NOSTRIN: variants seen among roughly 807,000 people sequenced by gnomAD.
NOSTRIN encodes the protein nitric oxide synthase trafficking, also known as BM247 homolog.
Under a neutral mutation model 59.0 loss-of-function variants are expected in NOSTRIN, and 63 were observed. The observed-to-expected ratio is 1.07, with a 90% CI of 0.87 to 1.32. NOSTRIN has a LOEUF of 1.32. Among genes scored for constraint, NOSTRIN ranks in the 40% most tolerant of loss-of-function variants. The pLI, the probability that NOSTRIN is intolerant of heterozygous loss-of-function variation, is 0.00. For missense variants in NOSTRIN, 512 were observed against 473.1 expected (o/e 1.08, Z -0.76); for synonymous variants, 200 against 165.4 (o/e 1.21, Z -1.61).
intron 7 of NOSTRIN, among the ~76,000 whole-genome samples, 180 bp downstream of exon 7, chr2:168,834,505 G>GCACACACACACACACACA (rs1271378211): frequency 9.7e-6 from 1 of 103,080 alleles, no homozygotes; most frequent in Non-Finnish European, 2.3e-5. Context: ...GCGCGCGCGC[G>GCACACACACACACACACA]CGCACACACA....
At position 168,850,917 on chromosome 2, in the gene NOSTRIN, A is replaced by G. The variant is rs1420181373; in HGVS notation, c.631-167A>G. On this transcript the variant is annotated intron_variant, in intron 8 of 15. Transcript: ENST00000317647. ...TGTGAGTGATTTAAGATACCAAGAC[A>G]CATTCCTTCCTGGAAATCTCCCTCC... 4 of 799,452 alleles carry G rather than the reference A, an allele frequency of 5.0e-6. No homozygotes were observed. The South Asian group carries it at 5.7e-5, about 11-fold the overall frequency. The allele number at this position is 799,452 out of a possible 1,614,324, so 49.5% of individuals were successfully genotyped here.
chr2:168,862,648 A>T (rs891064531), intron 15 of NOSTRIN, among the ~76,000 whole-genome samples: 1 of 152,174 alleles, frequency 6.6e-6, no homozygotes, highest in Non-Finnish European at 1.5e-5. Flanking sequence ...AAAGAGTGAG[A>T]TCCCCTTCTT....
intron 12 of NOSTRIN, 104 bp from the exon 13 acceptor site, chr2:168,859,408 T>A: frequency 2.6e-6 from 4 of 1,512,224 alleles, no homozygotes; most frequent in Non-Finnish European, 3.6e-6. Flanking sequence ...GTTAAATGCG[T>A]ACTTTTCTAA....
At chr2:168,798,909 A>G (rs1050013390), upstream of NOSTRIN, among the ~76,000 whole-genome samples, 5 of 152,090 alleles carry the variant, frequency 3.3e-5, no homozygotes, top group Admixed American at 6.5e-5. Context: ...GGTATGCAAA[A>G]TTTATCAGGC....
intron 1 of NOSTRIN, among the ~76,000 whole-genome samples, chr2:168,809,969 T>A (rs1686049624): frequency 6.6e-6 from 1 of 152,028 alleles, no homozygotes; most frequent in Non-Finnish European, 1.5e-5. Flanking sequence ...TTTGCTACCA[T>A]TAAAAAAAAA....
chr2:168,852,371 C>T (rs984910431), intron 10 of NOSTRIN, among the ~76,000 whole-genome samples: 1 of 152,150 alleles, frequency 6.6e-6, no homozygotes, highest in Admixed American at 6.5e-5. Context: ...AGAGCCCAAG[C>T]ACGTTGCCCC....
At chr2:168,801,505 G>A (rs892309783), upstream of NOSTRIN, among the ~76,000 whole-genome samples, 3 of 152,136 alleles carry the variant, frequency 2.0e-5, no homozygotes, top group East Asian at 1.9e-4. Context: ...TTACATGCAT[G>A]AGCCACTGCA....
chr2:168,790,101 C>G (rs936854760), intron 2 of NOSTRIN, among the ~76,000 whole-genome samples: 1 of 152,206 alleles, frequency 6.6e-6, no homozygotes, highest in Non-Finnish European at 1.5e-5. Flanking sequence ...AGTGCTTTCT[C>G]CAAAGACATC....
upstream of NOSTRIN, among the ~76,000 whole-genome samples, chr2:168,800,022 A>G (rs1329916063): frequency 6.6e-6 from 1 of 152,194 alleles, no homozygotes; most frequent in Non-Finnish European, 1.5e-5. Context: ...GGATGTCCAT[A>G]TTAAGCTGTA....
At chr2:168,813,418 C>G (rs1237580242) in intron 2 of NOSTRIN, among the ~76,000 whole-genome samples, 1 of 152,182 alleles carries the variant, frequency 6.6e-6, no homozygotes, top group African/African-American at 2.4e-5. Flanking sequence ...CTGAGGGAGT[C>G]TCTGCTTGAA....
intron 5 of NOSTRIN, 33 bp from the exon 6 acceptor site, chr2:168,831,439 C>T (rs752328173): frequency 2.3e-6 from 2 of 853,832 alleles, no homozygotes; most frequent in South Asian, 1.3e-5. Context: ...AAGAAGAAAG[C>T]AAAGCTTTGT....
Position 168,825,172 on chromosome 2 carries a change from G to A in NOSTRIN, c.197+455G>A, listed in dbSNP as rs144760290. 5.6e-4 allele frequency among the ~76,000 whole-genome samples: 86 copies of A among 152,336 alleles called. 1 individual carries two copies. Among genetic ancestry groups the A allele is most frequent in the African/African-American group, 2.0e-3 (83 of 41,572 alleles). On this transcript the variant is annotated intron_variant, in intron 3 of 15. Coordinates refer to ENST00000317647, the MANE Select transcript of NOSTRIN (RefSeq NM_001039724.4). ...TCCAGTTCTTGGGCACTTACTGTGT[G>A]CATGCACTGTGTTAATGCTTTACTG...
chr2:168,850,834 A>G, intron 8 of NOSTRIN: 1 of 788,946 alleles, frequency 1.3e-6, no homozygotes, highest in Non-Finnish European at 2.1e-6. Context: ...TCATAAACTT[A>G]GGTAACCCAC....
upstream of NOSTRIN, among the ~76,000 whole-genome samples, chr2:168,800,106 CT>C (rs1209044856): frequency 6.6e-6 from 1 of 152,294 alleles, no homozygotes; most frequent in African/African-American, 2.4e-5. Flanking sequence ...CCTGGTTAGA[CT>C]ACCAGCTGAT....
chr2:168,790,232 T>C (rs1390766461), intron 2 of NOSTRIN, among the ~76,000 whole-genome samples: 1 of 152,218 alleles, frequency 6.6e-6, no homozygotes, highest in Non-Finnish European at 1.5e-5. Flanking sequence ...ATAATACTAG[T>C]AATAAATTAT....
chr2:168,807,376 G>T (rs1685911486), intron 1 of NOSTRIN, among the ~76,000 whole-genome samples: 1 of 152,134 alleles, frequency 6.6e-6, no homozygotes, highest in East Asian at 1.9e-4. Context: ...TCAGTAGATG[G>T]TACATAATGA....
At position 168,851,182 on chromosome 2, in the gene NOSTRIN, A is replaced by G. The variant is rs1185913651; in HGVS notation, c.729A>G (p.Thr243=). The G allele has an allele frequency of 3.1e-6, 5 of 1,614,066 alleles. No individual in the cohort carries two copies. The highest frequency in any genetic ancestry group is 4.2e-6 in the Non-Finnish European group (5 of 1,180,002). ...CTCTTTTTGGCCAAACCCTGACCAC[A>G]GTGAGTAGAGATGATCTCTCCATTT... ...HISLFGQTLT[T]CHTQIHCAIS... is the part of the protein sequence containing the mutation. Residue 243 remains threonine (T), a splice_region_variant and synonymous_variant, in exon 9 of 16, where the codon ACA becomes ACG. Transcript: ENST00000317647.
chr2:168,818,296 G>C (rs2461389), intron 2 of NOSTRIN: 99,837 of 370,778 alleles, frequency 0.27, 14,032 homozygotes, highest in Non-Finnish European at 0.31. Flanking sequence ...TAGGACTGCA[G>C]GTGTGTGCCA....
chr2:168,830,999 A>C (rs1479818422), intron 5 of NOSTRIN, among the ~76,000 whole-genome samples: 1 of 152,230 alleles, frequency 6.6e-6, no homozygotes, highest in Non-Finnish European at 1.5e-5. Context: ...TAATATGTCC[A>C]TTGTAAGATC....
Sources: allele counts gnomAD v4.1 joint callset (sites outside exome capture counted in the v4.1 genomes callset), GRCh38; gene constraint gnomAD v4.1.1; transcripts MANE v1.5; gene names NCBI Gene and HGNC (gene_info 2026-07-23, HGNC 2026-07-21).